EML6: variants seen among roughly 807,000 people sequenced by gnomAD.
The protein encoded by EML6 is EMAP like 6.
In EML6, 154 loss-of-function variants were observed where a neutral mutation model predicts 240.1. That is an observed-to-expected ratio of 0.64 (90% CI 0.56 to 0.73). The LOEUF is 0.73. Ranked by LOEUF, EML6 falls within the 30% of genes least tolerant of loss-of-function variation. The pLI is 0.00. For synonymous variants in EML6, 1,148 were observed against 899.0 expected (o/e 1.28, Z -4.95); for missense variants, 2,964 against 2,474.6 (o/e 1.20, Z -4.20).
chr2:54,881,242 T>A (rs552529689), intron 17 of EML6: 5 of 152,216 alleles, frequency 3.3e-5, no homozygotes, highest in East Asian at 1.9e-4. Flanking sequence ...AAAAGTTACT[T>A]AAATATCTAT....
chr2:54,832,386 C>T (rs1019711773), intron 7 of EML6, among the ~76,000 whole-genome samples: 11 of 152,256 alleles, frequency 7.2e-5, no homozygotes, highest in African/African-American at 2.2e-4. Context: ...TCCATAGCTC[C>T]GAACAGGGAG....
intron 2 of EML6, among the ~76,000 whole-genome samples, chr2:54,801,068 C>T (rs566624958): frequency 1.5e-3 from 230 of 152,168 alleles, no homozygotes; most frequent in Middle Eastern, 0.014. Context: ...CCTCTGTAAT[C>T]CCAGCATTTT....
intron 13 of EML6, among the ~76,000 whole-genome samples, chr2:54,865,395 T>C (rs1451297321): frequency 6.6e-6 from 1 of 151,382 alleles, no homozygotes; most frequent in Admixed American, 6.6e-5. Context: ...GAGGATTGCC[T>C]GAGCCCAGGA....
rs1448444972 is a variant in EML6 at position 54,907,945 on chromosome 2, TAAGATAGATAGA to T, written c.3410-3008_3410-2997del. ...ATAGATAGATAGATAGATAGATAGA[TAAGATAGATAGA>T]TAGATAGATAGATAGATAGATAGAT... On this transcript the variant is annotated intron_variant, in intron 24 of 41. Transcript: ENST00000356458. 1.2e-3 allele frequency among the ~76,000 whole-genome samples: 26 copies of T among 22,078 alleles called. 1 individual carries two copies. The highest frequency in any genetic ancestry group is 3.0e-3 in the African/African-American group (17 of 5,650). 14.5% of individuals were successfully genotyped at this position (22,078 alleles called of 152,430 possible). A position where few individuals can be genotyped will look rare whatever the true frequency, so the allele number is the denominator to read the frequency against.
chr2:54,834,414 C>T (rs183272716), intron 7 of EML6, among the ~76,000 whole-genome samples: 5 of 152,288 alleles, frequency 3.3e-5, no homozygotes, highest in African/African-American at 1.2e-4. Context: ...GATAATAAAA[C>T]ACTTTGGGTT....
chr2:54,962,624 C>A lies in EML6; in HGVS notation c.5070C>A (p.Ile1690=), dbSNP rs746472293. The A allele has an allele frequency of 6.5e-7, 1 of 1,546,228 alleles. No homozygotes were observed. ...TTGATGGTCACATGGAAGGGGAGATCTGGGGCCTGGCCACTCACCCTTCCA... is the reference window on the plus strand; with the variant it reads ...TTGATGGTCACATGGAAGGGGAGATATGGGGCCTGGCCACTCACCCTTCCA... ...ILIDGHMEGE[I]WGLATHPSKD... The change falls in exon 36 of 42, where the codon ATC becomes ATA. Residue 1690 remains isoleucine (I), a synonymous_variant. Coordinates refer to ENST00000356458, the MANE Select transcript of EML6 (RefSeq NM_001039753.4).
chr2:54,892,790 A>C, intron 19 of EML6, 134 bp downstream of exon 19: 1 of 653,648 alleles, frequency 1.5e-6, no homozygotes, highest in Admixed American at 3.1e-5. Context: ...CATAAAGCTC[A>C]GTCAAGAGAC....
intron 25 of EML6, among the ~76,000 whole-genome samples, chr2:54,915,011 G>T (rs572676007): frequency 6.6e-6 from 1 of 152,138 alleles, no homozygotes; most frequent in South Asian, 2.1e-4. Flanking sequence ...GGCCTCAGTT[G>T]CTTCCTTTGC....
At chr2:54,916,983 C>T (rs2104322688) in intron 26 of EML6, 48 bp downstream of exon 26, 2 of 1,374,384 alleles carry the variant, frequency 1.5e-6, no homozygotes, top group Non-Finnish European at 2.0e-6. Context: ...TCCTTAATAA[C>T]CTTAAATATT....
intron 22 of EML6, among the ~76,000 whole-genome samples, chr2:54,902,492 A>G (rs568465780): frequency 5.4e-4 from 82 of 152,274 alleles, no homozygotes; most frequent in African/African-American, 2.0e-3. Flanking sequence ...CTCCACCTCC[A>G]AAGCTCAAGT....
In EML6 at chr2:54,834,158, A is replaced by G. The variant is rs1006264725; in HGVS notation, c.847+4681A>G. Among the ~76,000 whole-genome samples the G allele has an allele frequency of 2.6e-5, 4 of 152,134 alleles. No individual in the cohort carries two copies. The South Asian group carries it at 8.3e-4, about 31-fold the overall frequency. ...GGATGTAAGGCGGCGGTGGCGGGGCATGGGGAGAACTCCCTCACTTCATGG... is the reference window on the plus strand; with the variant it reads ...GGATGTAAGGCGGCGGTGGCGGGGCGTGGGGAGAACTCCCTCACTTCATGG... On this transcript the variant is annotated intron_variant, in intron 7 of 41. Coordinates refer to ENST00000356458, the MANE Select transcript of EML6 (RefSeq NM_001039753.4).
rs374976907 is a variant in EML6 at position 54,931,048 on chromosome 2, C to T, written c.4004+2297C>T. Among the ~76,000 whole-genome samples, 51 of 142,750 alleles carry T rather than the reference C, an allele frequency of 3.6e-4. No individual in the cohort carries two copies. In the East Asian group the frequency reaches 9.8e-3, roughly 28 times the overall value. 93.6% of individuals were successfully genotyped at this position (142,750 alleles called of 152,430 possible). A position where few individuals can be genotyped will look rare whatever the true frequency, so the allele number is the denominator to read the frequency against. On this transcript the variant is annotated intron_variant, in intron 28 of 41. Transcript: ENST00000356458. ...TCTCGGCTCACTGCAAGCTCCGCCT[C>T]CCGGGTTCACGCCATTCTCCTGCCT... is the stretch of plus-strand genomic sequence containing the variant.
chr2:54,883,877 C>T (rs1175461339), intron 17 of EML6, among the ~76,000 whole-genome samples: 1 of 152,140 alleles, frequency 6.6e-6, no homozygotes, highest in African/African-American at 2.4e-5. Context: ...CACTTTATAA[C>T]TAGCCACAAC....
chr2:54,968,681 G>C lies in EML6; in HGVS notation c.5765G>C (p.Arg1922Pro), dbSNP rs1676856561. 1 of 1,550,398 alleles carries C rather than the reference G, an allele frequency of 6.4e-7. No homozygotes were observed. The highest frequency in any genetic ancestry group is 1.2e-5 in the South Asian group (1 of 84,026). The change falls in exon 41 of 42, where the codon CGA becomes CCA. Residue 1922 changes from arginine (R) to proline (P), a missense_variant. Transcript: ENST00000356458. ...TTTTGCTCACAGGCCAAACATAAGC[G>C]ATACTTCGGTCACTCGGCTCACGTG... ...PCTEKFAKHK[R>P]YFGHSAHVTN...
intron 2 of EML6, among the ~76,000 whole-genome samples, chr2:54,753,626 G>A (rs1684269849): frequency 6.6e-6 from 1 of 151,164 alleles, no homozygotes; most frequent in African/African-American, 2.4e-5. Context: ...GAGTCTCCCA[G>A]TCTCCCTAGG....
chr2:54,784,444 C>T (rs6709473), intron 2 of EML6, among the ~76,000 whole-genome samples: 15,193 of 152,102 alleles, frequency 0.1, 1,464 homozygotes, highest in East Asian at 0.3. Context: ...TGTTATAAGA[C>T]TTTACCGTAC....
At chr2:54,928,198 T>G in intron 26 of EML6, 115 bp from the exon 27 acceptor site, 1 of 822,762 alleles carries the variant, frequency 1.2e-6, no homozygotes, top group Non-Finnish European at 2.0e-6. Flanking sequence ...AGTTGAAATG[T>G]AGGAAATTGC....
At chr2:54,779,927 G>GA (rs1377138993) in intron 2 of EML6, among the ~76,000 whole-genome samples, 2 of 149,918 alleles carry the variant, frequency 1.3e-5, no homozygotes, top group African/African-American at 4.9e-5. Context: ...GGGAGAGAGG[G>GA]AAAAAATATC....
chr2:54,793,385 CTTT>C (rs10683746), intron 2 of EML6, among the ~76,000 whole-genome samples: 37 of 121,766 alleles, frequency 3.0e-4, no homozygotes, highest in East Asian at 2.3e-3. Flanking sequence ...TATGAGTAGG[CTTT>C]TTTTTTTTTT....
Sources: gnomAD v4.1 joint callset for allele counts (sites outside exome capture counted in the v4.1 genomes callset) on GRCh38, gnomAD v4.1.1 for gene constraint, MANE v1.5 for transcripts, NCBI Gene and HGNC (gene_info 2026-07-23, HGNC 2026-07-21) for gene names.